The following PTBP2 variants were observed in gnomAD, a reference collection of about 807,000 sequenced individuals.
PTBP2 encodes polypyrimidine tract-binding protein 2.
Under a neutral mutation model 61.4 loss-of-function variants are expected in PTBP2, and 13 were observed. The ratio of observed to expected loss-of-function variants is 0.21; its 90% CI spans 0.14 to 0.34. The LOEUF (loss-of-function observed/expected upper bound fraction) is 0.34, where lower values mean the gene tolerates loss of function less well. Among genes scored for constraint, PTBP2 ranks in the 10% least tolerant of loss-of-function variants. The probability of loss-of-function intolerance (pLI) is 1.00; values close to 1 mark genes in which losing one functional copy is unlikely to be tolerated. For synonymous variants in PTBP2, 215 were observed against 218.5 expected, an observed-to-expected ratio of 0.98 and a Z score of 0.14; for missense variants, 405 against 642.6, an observed-to-expected ratio of 0.63 and a Z score of 4.00.
chr1:96,814,923 C>T lies in PTBP2; in HGVS notation c.*1518C>T, dbSNP rs1384649102. 1 of 152,516 alleles carries T rather than the reference C, an allele frequency of 6.6e-6. No homozygotes were observed. Among genetic ancestry groups the T allele is most frequent in the Non-Finnish European group, 1.5e-5 (1 of 68,066 alleles). 9.4% of individuals were successfully genotyped at this position (152,516 alleles called of 1,614,324 possible). A position where few individuals can be genotyped will look rare whatever the true frequency, so the allele number is the denominator to read the frequency against. On this transcript the variant is annotated 3_prime_UTR_variant, in exon 14 of 14. Transcript: ENST00000674951. The stretch of plus-strand genomic sequence containing the variant: ...CTTTCTCTGCTGCCTTTTCTCTCTC[C>T]TCTTCTTTGTTTTCACTCCACTGTG...
intron 2 of PTBP2, among the ~76,000 whole-genome samples, chr1:96,738,714 T>C (rs983486968): frequency 6.6e-6 from 1 of 152,212 alleles, no homozygotes; most frequent in Admixed American, 6.5e-5. Flanking sequence ...TTTATAATCT[T>C]TCTCTCTTAT....
intron 5 of PTBP2, chr1:96,771,454 T>C (rs994811545): frequency 4.6e-5 from 7 of 152,062 alleles, no homozygotes; most frequent in African/African-American, 1.7e-4. Flanking sequence ...GTCAGTAAAA[T>C]ACAAACTTTT....
intron 5 of PTBP2, among the ~76,000 whole-genome samples, chr1:96,777,020 C>T (rs922778798): frequency 7.2e-5 from 11 of 151,726 alleles, no homozygotes; most frequent in Admixed American, 6.6e-5. Flanking sequence ...TGAAGTTTAC[C>T]TGAGAATTTT....
intron 3 of PTBP2, among the ~76,000 whole-genome samples, chr1:96,762,782 C>CG (rs1656131597): frequency 6.7e-6 from 1 of 149,938 alleles, no homozygotes; most frequent in South Asian, 2.1e-4. Flanking sequence ...ACTTCCCAGA[C>CG]GGCGTGGCTG....
At chr1:96,780,193 G>T (rs1426164697) in intron 7 of PTBP2, among the ~76,000 whole-genome samples, 3 of 152,000 alleles carry the variant, frequency 2.0e-5, no homozygotes, top group Non-Finnish European at 2.9e-5. Flanking sequence ...TCTTCTGCCT[G>T]TCAAGAGACT....
In PTBP2 at chr1:96,738,372, C is replaced by A. The variant is rs149854570; in HGVS notation, c.40-13053C>A. Among the ~76,000 whole-genome samples, 186 of 152,168 alleles carry A rather than the reference C, an allele frequency of 1.2e-3. No homozygotes were observed. In the Middle Eastern group the frequency reaches 0.014, roughly 11 times the overall value. On this transcript the variant is annotated intron_variant, in intron 2 of 13. Transcript: ENST00000674951. ...GCAGTGGTGGGATCTCGGCTCACTGCAGGCCATTCTCCTGCCTCAGCCTCC... is the reference window on the plus strand; with the variant it reads ...GCAGTGGTGGGATCTCGGCTCACTGAAGGCCATTCTCCTGCCTCAGCCTCC...
intron 8 of PTBP2, among the ~76,000 whole-genome samples, chr1:96,786,544 A>G (rs1446092789): frequency 2.6e-5 from 4 of 152,208 alleles, no homozygotes; most frequent in African/African-American, 7.2e-5. Flanking sequence ...AGAGTGAAAC[A>G]TGGTTTTTGC....
At chr1:96,785,354 G>C (rs1370036665) in intron 8 of PTBP2, 100 bp downstream of exon 8, 10 of 948,818 alleles carry the variant, frequency 1.1e-5, no homozygotes, top group Non-Finnish European at 1.5e-5. Context: ...TTACCAAATT[G>C]TGTTAGGTTT....
At chr1:96,801,305 G>A (rs1195901871) in intron 8 of PTBP2, among the ~76,000 whole-genome samples, 2 of 152,074 alleles carry the variant, frequency 1.3e-5, no homozygotes, top group African/African-American at 4.8e-5. Flanking sequence ...TATTTGAAGT[G>A]AGTAAATGTA....
chr1:96,751,277 T>G, intron 2 of PTBP2, 148 bp from the exon 3 acceptor site: 1 of 712,126 alleles, frequency 1.4e-6, no homozygotes, highest in Admixed American at 2.0e-5. Flanking sequence ...GATGGGAGAG[T>G]AGAGGGATGA....
At chr1:96,823,497 T>TA (rs1276393517) in exon 14 of PTBP2, 1 of 152,206 alleles carries the variant, frequency 6.6e-6, no homozygotes, top group Non-Finnish European at 1.5e-5. Context: ...GCTTACCCTT[T>TA]AAAAAATGTT....
intron 11 of PTBP2, among the ~76,000 whole-genome samples, chr1:96,811,617 A>G (rs537365737): frequency 4.6e-5 from 7 of 152,202 alleles, no homozygotes; most frequent in Admixed American, 1.3e-4. Flanking sequence ...GGGTGTTACC[A>G]TATTGGCCAG....
chr1:96,732,165 A>G (rs1651512517), intron 2 of PTBP2, among the ~76,000 whole-genome samples: 1 of 152,184 alleles, frequency 6.6e-6, no homozygotes, highest in South Asian at 2.1e-4. Context: ...TTATGATATG[A>G]CTATTGAATT....
rs528704093 is a variant in PTBP2, at chr1:96,781,585, G to A, written c.709-3474G>A. Among the ~76,000 whole-genome samples the A allele has an allele frequency of 2.6e-5, 4 of 151,762 alleles. No homozygotes were observed. In the East Asian group the frequency reaches 7.7e-4, roughly 29 times the overall value. On this transcript the variant is annotated intron_variant, in intron 7 of 13. Transcript: ENST00000674951. ...TTATGCCCAACTTCTGCTTCTCTTT[G>A]TCTTTCAAGTATCAGTTTAGAAGCC...
chr1:96,763,254 C>A (rs888359442), intron 3 of PTBP2, among the ~76,000 whole-genome samples: 1 of 152,058 alleles, frequency 6.6e-6, no homozygotes, highest in Non-Finnish European at 1.5e-5. Context: ...TGTAACGAGC[C>A]GAGATCACGC....
rs1158383774 is a variant in PTBP2 at position 96,813,458 on chromosome 1, A to G, written c.*53A>G. 2.1e-6 allele frequency: 3 copies of G among 1,438,140 alleles called. No homozygotes were observed. Among genetic ancestry groups the G allele is most frequent in the Non-Finnish European group, 2.8e-6 (3 of 1,081,228 alleles). The allele number at this position is 1,438,140 out of a possible 1,614,324, so 89.1% of individuals were successfully genotyped here. A position where few individuals can be genotyped will look rare whatever the true frequency, so the allele number is the denominator to read the frequency against. On this transcript the variant is annotated 3_prime_UTR_variant, in exon 14 of 14. Coordinates refer to ENST00000674951, the MANE Select transcript of PTBP2 (RefSeq NM_021190.4). ...ATCACATTGTTCAATGTCATCACCT[A>G]TTTGACTGTTCAGAAAAGTGGGGAC...
At chr1:96,760,780 C>G (rs1655740791) in intron 3 of PTBP2, among the ~76,000 whole-genome samples, 1 of 152,102 alleles carries the variant, frequency 6.6e-6, no homozygotes, top group Admixed American at 6.5e-5. Flanking sequence ...AAACATTAAC[C>G]TATTTTATGG....
At chr1:96,760,935 A>G (rs1655768091) in intron 3 of PTBP2, among the ~76,000 whole-genome samples, 3 of 152,240 alleles carry the variant, frequency 2.0e-5, no homozygotes, top group Non-Finnish European at 4.4e-5. Context: ...AAATTGTGGT[A>G]TAATCATATA....
intron 8 of PTBP2, among the ~76,000 whole-genome samples, chr1:96,800,625 TTAG>T (rs1660888436): frequency 1.3e-5 from 2 of 152,046 alleles, no homozygotes; most frequent in Admixed American, 1.3e-4. Context: ...TCCCAGCTAC[TTAG>T]TAGGCTGAGG....
Sources: allele counts gnomAD v4.1 joint callset (sites outside exome capture counted in the v4.1 genomes callset), GRCh38; gene constraint gnomAD v4.1.1; transcripts MANE v1.5; gene names NCBI Gene and HGNC (gene_info 2026-07-23, HGNC 2026-07-21).